ADGRL3: variants seen among roughly 807,000 people sequenced by gnomAD.
ADGRL3 encodes adhesion G protein-coupled receptor L3.
A neutral mutation model predicts 153.5 loss-of-function variants in ADGRL3; 62 were observed. That is an observed-to-expected ratio of 0.40 (90% CI 0.33 to 0.50). The LOEUF (loss-of-function observed/expected upper bound fraction) is 0.50, where lower values mean the gene tolerates loss of function less well. Among genes scored for constraint, ADGRL3 ranks in the 20% least tolerant of loss-of-function variants. The pLI is 0.47. For synonymous variants in ADGRL3, 710 were observed against 672.5 expected (o/e 1.06, Z -0.86); for missense variants, 1,641 against 1,859.4 (o/e 0.88, Z 2.16).
At chr4:61,767,026 G>A (rs1197386600) in intron 8 of ADGRL3, among the ~76,000 whole-genome samples, 1 of 151,950 alleles carries the variant, frequency 6.6e-6, no homozygotes, top group Non-Finnish European at 1.5e-5. Flanking sequence ...TTTTTAAAGT[G>A]TGCTGTGGGA....
intron 3 of ADGRL3, among the ~76,000 whole-genome samples, chr4:61,517,073 TGAG>T (rs1164310034): frequency 7.0e-6 from 1 of 142,168 alleles, no homozygotes; most frequent in East Asian, 2.0e-4. Flanking sequence ...GAGATTAGGA[TGAG>T]TTTTTTTTTT....
At chr4:61,948,596 G>A (rs768811314) in intron 17 of ADGRL3, among the ~76,000 whole-genome samples, 1 of 152,146 alleles carries the variant, frequency 6.6e-6, no homozygotes, top group Non-Finnish European at 1.5e-5. Context: ...CCAAAGGCCA[G>A]TGGGGTTGGT....
intron 9 of ADGRL3, among the ~76,000 whole-genome samples, chr4:61,868,444 C>T (rs746797848): frequency 2.0e-5 from 3 of 152,060 alleles, no homozygotes; most frequent in Non-Finnish European, 4.4e-5. Context: ...CATATCTAGC[C>T]CAACCATTTT....
intron 1 of ADGRL3, among the ~76,000 whole-genome samples, chr4:61,216,559 T>G (rs1287477375): frequency 1.3e-5 from 2 of 152,192 alleles, no homozygotes; most frequent in African/African-American, 4.8e-5. Context: ...TATGTAAAAT[T>G]ATTACAATTT....
chr4:61,267,958 G>A lies in ADGRL3; in HGVS notation c.-240+66193G>A, dbSNP rs565140629. 3.3e-5 allele frequency among the ~76,000 whole-genome samples: 5 copies of A among 151,668 alleles called. No homozygotes were observed. In the South Asian group the frequency reaches 1.0e-3, roughly 31 times the overall value. On this transcript the variant is annotated intron_variant, in intron 1 of 26. Transcript: ENST00000683033. ...ACATCCTAATCAAGTAAGTTTTATG[G>A]AAGTATAGGAGCAGGCTTTTAGCAC...
chr4:61,692,049 C>T (rs2095549006), intron 6 of ADGRL3, among the ~76,000 whole-genome samples: 1 of 152,084 alleles, frequency 6.6e-6, no homozygotes, highest in Admixed American at 6.6e-5. Flanking sequence ...TATGACTCTC[C>T]TACTCGATTT....
At chr4:62,002,890 A>G (rs2099145468) in intron 21 of ADGRL3, among the ~76,000 whole-genome samples, 2 of 152,170 alleles carry the variant, frequency 1.3e-5, no homozygotes, top group South Asian at 4.1e-4. Context: ...CCAGCACAAA[A>G]TTAACTTACA....
At chr4:61,774,322 A>G (rs1276921781) in intron 8 of ADGRL3, among the ~76,000 whole-genome samples, 2 of 150,118 alleles carry the variant, frequency 1.3e-5, no homozygotes, top group Non-Finnish European at 3.0e-5. Context: ...GCGCCATTGC[A>G]CTCCAGCCTG....
Position 61,685,631 on chromosome 4 carries a change from C to T in ADGRL3, c.583+8696C>T, listed in dbSNP as rs574738980. Among the ~76,000 whole-genome samples the T allele has an allele frequency of 1.6e-4, 24 of 152,064 alleles. 2 individuals carry two copies. The highest frequency in any genetic ancestry group is 4.1e-4 in the African/African-American group (17 of 41,506). On this transcript the variant is annotated intron_variant, in intron 6 of 26. Coordinates refer to ENST00000683033, the MANE Select transcript of ADGRL3 (RefSeq NM_001387552.1). ...GGTAGGGAAGAGGTTGGCCTGTTCT[C>T]GTAAGTGGTAGAAAGACAGTGTGGC...
intron 2 of ADGRL3, among the ~76,000 whole-genome samples, chr4:61,392,712 AGGAAAAT>A (rs2096826933): frequency 7.2e-6 from 1 of 139,700 alleles, no homozygotes; most frequent in Non-Finnish European, 1.6e-5. Flanking sequence ...AAAAAGAAAA[AGGAAAAT>A]AAAGAAAGAG....
chr4:61,738,145 C>G (rs1171405125), intron 8 of ADGRL3, among the ~76,000 whole-genome samples: 1 of 152,082 alleles, frequency 6.6e-6, no homozygotes, highest in African/African-American at 2.4e-5. Flanking sequence ...ATCCTCATAG[C>G]TTAGCTCCCA....
chr4:61,596,265 A>G (rs2149462166), intron 5 of ADGRL3, among the ~76,000 whole-genome samples: 1 of 152,240 alleles, frequency 6.6e-6, no homozygotes, highest in Non-Finnish European at 1.5e-5. Context: ...TTACTTTTTA[A>G]TACTTATAAA....
At position 61,570,257 on chromosome 4, in the gene ADGRL3, T is replaced by C. The variant is rs74738582; in HGVS notation, c.260-16970T>C. 5.0e-3 allele frequency among the ~76,000 whole-genome samples: 757 copies of C among 152,282 alleles called. 10 individuals carry two copies. The highest frequency in any genetic ancestry group is 0.016 in the African/African-American group (682 of 41,572). ...TTTTTCTGCTAGTAATACAGCCATCTCTGTCCATTTTGATAGCATCCTGTC... is the reference window on the plus strand; with the variant it reads ...TTTTTCTGCTAGTAATACAGCCATCCCTGTCCATTTTGATAGCATCCTGTC... On this transcript the variant is annotated intron_variant, in intron 4 of 26. Transcript: ENST00000683033.
intron 5 of ADGRL3, among the ~76,000 whole-genome samples, chr4:61,603,068 T>C (rs368999797): frequency 2.6e-5 from 4 of 152,268 alleles, no homozygotes; most frequent in African/African-American, 4.8e-5. Flanking sequence ...ATTCGTAGAT[T>C]TTTACAGAAG....
At chr4:61,404,971 T>C (rs2096975567) in intron 2 of ADGRL3, among the ~76,000 whole-genome samples, 2 of 151,994 alleles carry the variant, frequency 1.3e-5, no homozygotes, top group Non-Finnish European at 2.9e-5. Flanking sequence ...TATAAACAGG[T>C]GAGATATAAA....
chr4:61,909,477 CA>C, intron 11 of ADGRL3, 82 bp from the exon 12 acceptor site: 1 of 891,910 alleles, frequency 1.1e-6, no homozygotes, highest in South Asian at 1.8e-5. Flanking sequence ...ATTACAATTA[CA>C]TGCAAACATG....
intron 22 of ADGRL3, among the ~76,000 whole-genome samples, chr4:62,030,948 T>TTCC (rs1434416625): frequency 6.6e-6 from 1 of 151,556 alleles, no homozygotes; most frequent in Non-Finnish European, 1.5e-5. Context: ...ATCCATGTAT[T>TTCC]TCCTCCTAAT....
At chr4:62,044,893 A>T (rs184883855) in intron 25 of ADGRL3, among the ~76,000 whole-genome samples, 44 of 152,208 alleles carry the variant, frequency 2.9e-4, no homozygotes, top group African/African-American at 1.0e-3. Flanking sequence ...ATAGAGTTCC[A>T]CATTGTCTTA....
At chr4:61,377,153 G>A (rs1019950068) in intron 1 of ADGRL3, among the ~76,000 whole-genome samples, 1 of 151,816 alleles carries the variant, frequency 6.6e-6, no homozygotes, top group African/African-American at 2.4e-5. Flanking sequence ...CTATGGTATG[G>A]TATGGTAGGG....
Sources: allele counts gnomAD v4.1 joint callset (sites outside exome capture counted in the v4.1 genomes callset), GRCh38; gene constraint gnomAD v4.1.1; transcripts MANE v1.5; gene names NCBI Gene and HGNC (gene_info 2026-07-23, HGNC 2026-07-21).